Variants in ZNF804A observed in about 807,000 individuals in gnomAD.
The protein encoded by ZNF804A is zinc finger protein 804A.
Under a neutral mutation model 16.5 loss-of-function variants are expected in ZNF804A, and 2 were observed. The observed-to-expected ratio is 0.12, with a 90% CI of 0.05 to 0.38. The LOEUF is 0.38. ZNF804A is among the 10% of genes least tolerant of loss of function. The pLI, the probability that ZNF804A is intolerant of heterozygous loss-of-function variation, is 0.99. For synonymous variants in ZNF804A, 534 were observed against 489.6 expected (o/e 1.09, Z -1.20); for missense variants, 1,473 against 1,390.7 (o/e 1.06, Z -0.94).
intron 1 of ZNF804A, among the ~76,000 whole-genome samples, chr2:184,827,358 T>C (rs1695182301): frequency 6.7e-6 from 1 of 149,302 alleles, no homozygotes; most frequent in Non-Finnish European, 1.5e-5. Context: ...AAATCAACAT[T>C]GGAGGTACAA....
chr2:184,809,885 C>G (rs1694866308), intron 1 of ZNF804A, among the ~76,000 whole-genome samples: 1 of 151,766 alleles, frequency 6.6e-6, no homozygotes, highest in South Asian at 2.1e-4. Context: ...CTTTAATATC[C>G]CAAATGCCAT....
At chr2:184,760,985 C>G (rs910242036) in intron 1 of ZNF804A, among the ~76,000 whole-genome samples, 53 of 152,196 alleles carry the variant, frequency 3.5e-4, no homozygotes, top group Non-Finnish European at 6.3e-4. Context: ...CATTTAATTT[C>G]CTTTTCTCGG....
At chr2:184,926,264 G>A (rs1685609612) in intron 2 of ZNF804A, among the ~76,000 whole-genome samples, 1 of 145,424 alleles carries the variant, frequency 6.9e-6, no homozygotes, top group South Asian at 2.2e-4. Context: ...ATTTTAAGCA[G>A]GTTTACTATT....
At chr2:184,788,154 T>A (rs1210348956) in intron 1 of ZNF804A, among the ~76,000 whole-genome samples, 1 of 152,050 alleles carries the variant, frequency 6.6e-6, no homozygotes, top group Non-Finnish European at 1.5e-5. Context: ...GTTTTAGGTA[T>A]GTGGTTTTAT....
chr2:184,768,823 T>C (rs1271486815), intron 1 of ZNF804A, among the ~76,000 whole-genome samples: 1 of 152,082 alleles, frequency 6.6e-6, no homozygotes, highest in Non-Finnish European at 1.5e-5. Context: ...TTTACTGACA[T>C]TTTGTACAAA....
At chr2:184,680,219 G>C (rs552824725) in intron 1 of ZNF804A, among the ~76,000 whole-genome samples, 1 of 151,962 alleles carries the variant, frequency 6.6e-6, no homozygotes, top group African/African-American at 2.4e-5. Flanking sequence ...GAACAGATGG[G>C]ATGACCTACC....
chr2:184,714,046 G>A (rs1196943764), intron 1 of ZNF804A, among the ~76,000 whole-genome samples: 5 of 151,950 alleles, frequency 3.3e-5, no homozygotes, highest in Non-Finnish European at 7.4e-5. Context: ...ATATTTAACA[G>A]TTATAATAAA....
intron 2 of ZNF804A, among the ~76,000 whole-genome samples, chr2:184,894,839 C>T (rs551798596): frequency 5.9e-5 from 9 of 152,154 alleles, no homozygotes; most frequent in Admixed American, 5.9e-4. Context: ...GTGCCCGACA[C>T]CGCGCCCAGC....
intron 1 of ZNF804A, among the ~76,000 whole-genome samples, chr2:184,862,426 G>C (rs1246934032): frequency 1.3e-5 from 2 of 152,058 alleles, no homozygotes; most frequent in Non-Finnish European, 2.9e-5. Context: ...ACACAGCCTT[G>C]ATTCCTTAAT....
rs373535236 is a variant in ZNF804A, at chr2:184,638,426, T to A, written c.111+39356T>A. 8.4e-4 allele frequency among the ~76,000 whole-genome samples: 128 copies of A among 152,288 alleles called. 1 individual carries two copies. The South Asian group carries it at 0.026, about 31-fold the overall frequency. On this transcript the variant is annotated intron_variant, in intron 1 of 3. Coordinates refer to ENST00000302277, the MANE Select transcript of ZNF804A (RefSeq NM_194250.2). ...CAAAATTGAGGCTCCTAATCTAGGA[T>A]CTTTCATTCTCAGAGACCTCATAAT...
At chr2:184,735,436 C>A (rs1574186965) in intron 1 of ZNF804A, among the ~76,000 whole-genome samples, 1 of 151,956 alleles carries the variant, frequency 6.6e-6, no homozygotes, top group Admixed American at 6.6e-5. Context: ...ACACCGGGGC[C>A]TGTTTGGGGG....
At chr2:184,760,979 T>A (rs1694030036) in intron 1 of ZNF804A, among the ~76,000 whole-genome samples, 1 of 152,162 alleles carries the variant, frequency 6.6e-6, no homozygotes, top group African/African-American at 2.4e-5. Context: ...AACTTGCATT[T>A]AATTTCCTTT....
chr2:184,612,953 T>A (rs1459138118), intron 1 of ZNF804A, among the ~76,000 whole-genome samples: 1 of 152,210 alleles, frequency 6.6e-6, no homozygotes, highest in Non-Finnish European at 1.5e-5. Context: ...TAGCATTATA[T>A]AAGCTAAATT....
chr2:184,783,092 T>C (rs1053025292), intron 1 of ZNF804A, among the ~76,000 whole-genome samples: 1 of 149,228 alleles, frequency 6.7e-6, no homozygotes, highest in Admixed American at 6.7e-5. Context: ...TAAATATATA[T>C]GTAAAATAAT....
At chr2:184,618,200 A>T (rs1055180155) in intron 1 of ZNF804A, among the ~76,000 whole-genome samples, 5 of 152,086 alleles carry the variant, frequency 3.3e-5, no homozygotes, top group African/African-American at 1.2e-4. Context: ...TCCAAATATC[A>T]TGGTTTAATT....
intron 1 of ZNF804A, among the ~76,000 whole-genome samples, chr2:184,687,149 C>T (rs531228547): frequency 9.7e-4 from 147 of 152,264 alleles, no homozygotes; most frequent in African/African-American, 3.5e-3. Flanking sequence ...ATTCTTATAG[C>T]TTGAGTTGCT....
intron 1 of ZNF804A, among the ~76,000 whole-genome samples, chr2:184,737,506 C>A (rs1693645059): frequency 6.6e-6 from 1 of 151,940 alleles, no homozygotes; most frequent in Admixed American, 6.6e-5. Context: ...TTGTGTAAAA[C>A]CTTATACTTG....
At position 184,681,586 on chromosome 2, in the gene ZNF804A, C is replaced by T. The variant is rs190913375; in HGVS notation, c.111+82516C>T. Among the ~76,000 whole-genome samples the T allele has an allele frequency of 2.0e-3, 308 of 152,336 alleles. 1 individual carries two copies. Among genetic ancestry groups the T allele is most frequent in the African/African-American group, 7.1e-3 (296 of 41,590 alleles). ...TGAACAATGTCAATAACAAACTCCT[C>T]CAATTATCATTTATTGGTTTAAGTT... On this transcript the variant is annotated intron_variant, in intron 1 of 3. Coordinates refer to ENST00000302277, the MANE Select transcript of ZNF804A (RefSeq NM_194250.2).
intron 1 of ZNF804A, among the ~76,000 whole-genome samples, chr2:184,732,358 T>C (rs1693534670): frequency 6.6e-6 from 1 of 152,058 alleles, no homozygotes; most frequent in Admixed American, 6.6e-5. Flanking sequence ...TTTGTGTGGG[T>C]TTACTTCTGG....
Sources: allele counts gnomAD v4.1 joint callset (sites outside exome capture counted in the v4.1 genomes callset), GRCh38; gene constraint gnomAD v4.1.1; transcripts MANE v1.5; gene names NCBI Gene and HGNC (gene_info 2026-07-23, HGNC 2026-07-21).